SGPP1: variants seen among roughly 807,000 people sequenced by gnomAD.
SGPP1 encodes hSPP1.
In SGPP1, 21 loss-of-function variants were observed where a neutral mutation model predicts 33.0. The observed-to-expected ratio is 0.64, with a 90% CI of 0.45 to 0.92. The LOEUF is 0.92. Among genes scored for constraint, SGPP1 ranks in the 40% least tolerant of loss-of-function variants. The pLI is 0.00. For missense variants in SGPP1, 543 were observed against 589.4 expected, an observed-to-expected ratio of 0.92 and a Z score of 0.81; for synonymous variants, 239 against 241.2, an observed-to-expected ratio of 0.99 and a Z score of 0.08.
intron 2 of SGPP1, among the ~76,000 whole-genome samples, chr14:63,690,298 C>T (rs555034130): frequency 6.6e-6 from 1 of 152,350 alleles, no homozygotes; most frequent in East Asian, 1.9e-4. Flanking sequence ...CTGCCTCAGC[C>T]TCCCACAGTG....
At position 63,698,582 on chromosome 14, in the gene SGPP1, A is replaced by G; in HGVS notation, c.761T>C (p.Met254Thr). The G allele has an allele frequency of 1.3e-6, 2 of 1,576,504 alleles. No individual in the cohort carries two copies. The highest frequency in any genetic ancestry group is 1.7e-6 in the Non-Finnish European group (2 of 1,150,396). ...CATTTTCCTTACCAGAATAGAGTGC[A>G]TTCCCATGTAAATTCTACTTAGGCA... is the stretch of plus-strand genomic sequence containing the variant. ...LVCLSRIYMG[M>T]HSILDIIAGF... is the part of the protein sequence containing the mutation. Residue 254 changes from methionine to threonine, a missense_variant, in exon 2 of 3, where the codon ATG becomes ACG. Met to Thr is a moderately conservative substitution (Grantham distance 81). Transcript: ENST00000247225.
chr14:63,690,062 GT>G (rs1204569820), intron 2 of SGPP1, among the ~76,000 whole-genome samples: 1 of 151,940 alleles, frequency 6.6e-6, no homozygotes, highest in Non-Finnish European at 1.5e-5. Flanking sequence ...ATGCTTCTCT[GT>G]TTTTTGTTTT....
intron 1 of SGPP1, among the ~76,000 whole-genome samples, chr14:63,718,410 C>A (rs1347478892): frequency 6.6e-6 from 1 of 151,934 alleles, no homozygotes; most frequent in Non-Finnish European, 1.5e-5. Flanking sequence ...TTATCACCAG[C>A]AGATCTATAG....
At chr14:63,722,068 C>T (rs941913142) in intron 1 of SGPP1, among the ~76,000 whole-genome samples, 1 of 152,178 alleles carries the variant, frequency 6.6e-6, no homozygotes, top group African/African-American at 2.4e-5. Context: ...CTGACACTTA[C>T]TGGCTAGGTT....
intron 1 of SGPP1, among the ~76,000 whole-genome samples, chr14:63,720,604 A>T (rs998359794): frequency 9.2e-5 from 14 of 151,940 alleles, no homozygotes; most frequent in Non-Finnish European, 7.4e-5. Flanking sequence ...ACTAAAAATT[A>T]AAAAAATTAG....
chr14:63,687,303 TGGTG>T (rs1278912928), intron 2 of SGPP1, among the ~76,000 whole-genome samples: 1 of 152,032 alleles, frequency 6.6e-6, no homozygotes, highest in Non-Finnish European at 1.5e-5. Flanking sequence ...TAGCCAGGTA[TGGTG>T]GCTCCAGCCT....
intron 1 of SGPP1, among the ~76,000 whole-genome samples, chr14:63,724,690 G>A (rs1415770001): frequency 6.6e-6 from 1 of 150,598 alleles, no homozygotes; most frequent in Admixed American, 6.6e-5. Context: ...TGTAATGCCA[G>A]CACTCTGGGA....
chr14:63,688,714 CTTT>C (rs776698745), intron 2 of SGPP1, among the ~76,000 whole-genome samples: 1 of 140,884 alleles, frequency 7.1e-6, no homozygotes, highest in Non-Finnish European at 1.5e-5. Context: ...ACCGTCATTT[CTTT>C]TTTTTTTCTT....
chr14:63,725,399 C>T (rs1413084581), intron 1 of SGPP1, among the ~76,000 whole-genome samples: 1 of 152,084 alleles, frequency 6.6e-6, no homozygotes, highest in African/African-American at 2.4e-5. Context: ...AACAACTAAC[C>T]GAAAAATCAT....
At chr14:63,718,988 ATATATATATATATATATATATATATATTT>A (rs1885692215) in intron 1 of SGPP1, among the ~76,000 whole-genome samples, 2 of 15,406 alleles carry the variant, frequency 1.3e-4, no homozygotes, top group Non-Finnish European at 2.4e-4. Flanking sequence ...ATATATATAT[ATATATATATATATATATATATATATATTT>A]TTTTTTTTTT....
rs993014023 is a variant in SGPP1 at position 63,704,572 on chromosome 14, G to A, written c.685-5914C>T. Among the ~76,000 whole-genome samples the A allele has an allele frequency of 5.9e-5, 9 of 151,522 alleles. No individual in the cohort carries two copies. In the East Asian group the frequency reaches 1.2e-3, roughly 20 times the overall value. ...ACTTTTAGAAGAAATCATAGGGGCC[G>A]GGTGTAGTGACTCACACCTGTAATT... On this transcript the variant is annotated intron_variant, in intron 1 of 2. Transcript: ENST00000247225.
intron 1 of SGPP1, among the ~76,000 whole-genome samples, chr14:63,717,446 C>T (rs917278266): frequency 4.6e-5 from 7 of 151,932 alleles, no homozygotes; most frequent in South Asian, 2.1e-4. Context: ...CTCAACCTCC[C>T]GAGTAGCTGG....
intron 2 of SGPP1, among the ~76,000 whole-genome samples, chr14:63,695,553 A>G (rs1885171181): frequency 6.6e-6 from 1 of 152,208 alleles, no homozygotes; most frequent in African/African-American, 2.4e-5. Context: ...TCACTACACA[A>G]AAAGTAAAAA....
rs143219153 is a variant in SGPP1 at position 63,688,208 on chromosome 14, C to G, written c.775-1552G>C. The stretch of plus-strand genomic sequence containing the variant: ...GTACGCGTTTGTAATCCCAGCTACT[C>G]AGGAGGCTGAGGCAGGAGAACTGCC... On this transcript the variant is annotated intron_variant, in intron 2 of 2. Transcript: ENST00000247225. Among the ~76,000 whole-genome samples the G allele has an allele frequency of 5.7e-3, 845 of 147,950 alleles. 9 individuals carry two copies. The highest frequency in any genetic ancestry group is 0.02 in the African/African-American group (798 of 39,946).
At chr14:63,703,184 C>T (rs1015384820) in intron 1 of SGPP1, among the ~76,000 whole-genome samples, 1 of 151,556 alleles carries the variant, frequency 6.6e-6, no homozygotes, top group Admixed American at 6.6e-5. Flanking sequence ...ACTCACAAAT[C>T]AGCTGTGTTT....
At chr14:63,702,120 G>A (rs545615468) in intron 1 of SGPP1, among the ~76,000 whole-genome samples, 3 of 152,194 alleles carry the variant, frequency 2.0e-5, no homozygotes, top group African/African-American at 7.2e-5. Context: ...AAGGTAGGAC[G>A]GGGAAGGGTA....
chr14:63,711,294 C>T (rs934713604), intron 1 of SGPP1, among the ~76,000 whole-genome samples: 5 of 152,066 alleles, frequency 3.3e-5, no homozygotes, highest in Admixed American at 1.3e-4. Flanking sequence ...GGATTACAGG[C>T]GTGAGCCACT....
intron 1 of SGPP1, 141 bp downstream of exon 1, chr14:63,727,120 G>T: frequency 1.5e-6 from 2 of 1,348,782 alleles, no homozygotes; most frequent in Non-Finnish European, 1.9e-6. Context: ...CCCAGAAAGG[G>T]CCTGTTTGCG....
chr14:63,715,556 C>T (rs1885606349), intron 1 of SGPP1, among the ~76,000 whole-genome samples: 1 of 152,100 alleles, frequency 6.6e-6, no homozygotes, highest in South Asian at 2.1e-4. Context: ...CAAATGAGCC[C>T]TGTGATTGCA....
Sources: gnomAD v4.1 joint callset for allele counts (sites outside exome capture counted in the v4.1 genomes callset) on GRCh38, gnomAD v4.1.1 for gene constraint, MANE v1.5 for transcripts, NCBI Gene and HGNC (gene_info 2026-07-23, HGNC 2026-07-21) for gene names.